RIC1: variants seen among roughly 807,000 people sequenced by gnomAD.
The protein encoded by RIC1 is guanine nucleotide exchange factor subunit RIC1.
Under a neutral mutation model 169.0 loss-of-function variants are expected in RIC1, and 88 were observed. The ratio of observed to expected loss-of-function variants is 0.52; its 90% CI spans 0.44 to 0.62. The LOEUF is 0.62. Ranked by LOEUF, RIC1 falls within the 20% of genes least tolerant of loss-of-function variation. RIC1 has a pLI of 0.00. For synonymous variants in RIC1, 790 were observed against 601.5 expected, an observed-to-expected ratio of 1.31 and a Z score of -4.59; for missense variants, 1,877 against 1,725.5, an observed-to-expected ratio of 1.09 and a Z score of -1.56.
At chr9:5,733,598 C>G (rs957302136) in intron 7 of RIC1, among the ~76,000 whole-genome samples, 1 of 152,102 alleles carries the variant, frequency 6.6e-6, no homozygotes, top group Non-Finnish European at 1.5e-5. Context: ...TCACATAAAT[C>G]ACTTTCATTA....
In RIC1 at chr9:5,718,008, C is replaced by T. The variant is rs573130700; in HGVS notation, c.441-2174C>T. Among the ~76,000 whole-genome samples the T allele has an allele frequency of 7.9e-5, 12 of 151,272 alleles. No individual in the cohort carries two copies. The East Asian group carries it at 1.4e-3, about 17-fold the overall frequency. ...TACAAAAATTAGCTGGGCATGGTGG[C>T]GTGCGCCTGTAATCCCAGCTACTAG... is the stretch of plus-strand genomic sequence containing the variant. On this transcript the variant is annotated intron_variant, in intron 4 of 25. Transcript: ENST00000414202.
chr9:5,687,920 T>TTGTG (rs562402154), intron 2 of RIC1, among the ~76,000 whole-genome samples: 1 of 151,984 alleles, frequency 6.6e-6, no homozygotes, highest in African/African-American at 2.4e-5. Flanking sequence ...TTGGGTTTTT[T>TTGTG]TGTGTGTGTG....
intron 22 of RIC1, chr9:5,769,607 G>C: frequency 2.0e-6 from 1 of 512,070 alleles, no homozygotes; most frequent in East Asian, 4.7e-5. Flanking sequence ...TAAGCTGACA[G>C]AACTCATTCC....
chr9:5,656,470 C>T (rs1563873653), intron 1 of RIC1, 113 bp from the exon 2 acceptor site: 1 of 520,668 alleles, frequency 1.9e-6, no homozygotes, highest in Admixed American at 3.5e-5. Context: ...TCAATATTGT[C>T]TTTTATTTTA....
chr9:5,680,206 G>T (rs1405167528), intron 2 of RIC1, among the ~76,000 whole-genome samples: 1 of 152,144 alleles, frequency 6.6e-6, no homozygotes, highest in Non-Finnish European at 1.5e-5. Flanking sequence ...TGATCATGGT[G>T]GATAAGCTTT....
chr9:5,729,748 A>G (rs1197085292), intron 6 of RIC1, among the ~76,000 whole-genome samples: 2 of 152,144 alleles, frequency 1.3e-5, no homozygotes, highest in Non-Finnish European at 2.9e-5. Context: ...TCCGTTATCA[A>G]CTTTATTCAG....
At chr9:5,766,889 T>A (rs922541390) in intron 21 of RIC1, among the ~76,000 whole-genome samples, 7 of 152,204 alleles carry the variant, frequency 4.6e-5, no homozygotes, top group Non-Finnish European at 7.3e-5. Context: ...AAATGGTAGT[T>A]CTACTTTTGG....
At chr9:5,754,257 G>C (rs1825876043) in intron 14 of RIC1, among the ~76,000 whole-genome samples, 1 of 152,156 alleles carries the variant, frequency 6.6e-6, no homozygotes, top group African/African-American at 2.4e-5. Context: ...GATTAAGCCA[G>C]AATTTACACT....
rs1827575059 is a variant in RIC1 at position 5,776,217 on chromosome 9, A to G, written c.*1971A>G. ...TTTTATACAATATTCTTTTACAACT[A>G]ATAGAGATAGGAGGCCCCCAGGCAA... On this transcript the variant is annotated 3_prime_UTR_variant, in exon 26 of 26. Transcript: ENST00000414202. 1 of 152,152 alleles carries G rather than the reference A, an allele frequency of 6.6e-6. No homozygotes were observed. Among genetic ancestry groups the G allele is most frequent in the Admixed American group, 6.5e-5 (1 of 15,274 alleles). 9.4% of individuals were successfully genotyped at this position (152,152 alleles called of 1,614,324 possible). A position where few individuals can be genotyped will look rare whatever the true frequency, so the allele number is the denominator to read the frequency against.
At chr9:5,630,472 A>C (rs558035114) in intron 1 of RIC1, among the ~76,000 whole-genome samples, 2 of 152,156 alleles carry the variant, frequency 1.3e-5, no homozygotes, top group Non-Finnish European at 1.5e-5. Flanking sequence ...TAGTTTGTTA[A>C]AATCCCCAAA....
At chr9:5,663,154 A>AT (rs956125480) in intron 2 of RIC1, among the ~76,000 whole-genome samples, 1 of 152,082 alleles carries the variant, frequency 6.6e-6, no homozygotes, top group African/African-American at 2.4e-5. Flanking sequence ...GAATTTCTTA[A>AT]TTCTTCTGAG....
chr9:5,744,655 G>A (rs1403923591), intron 10 of RIC1, among the ~76,000 whole-genome samples: 1 of 151,976 alleles, frequency 6.6e-6, no homozygotes, highest in Non-Finnish European at 1.5e-5. Context: ...TTTGACTGCA[G>A]CTCATCACAT....
intron 21 of RIC1, among the ~76,000 whole-genome samples, chr9:5,766,745 T>C (rs1826789719): frequency 1.3e-5 from 2 of 152,236 alleles, no homozygotes; most frequent in Non-Finnish European, 2.9e-5. Context: ...ATCCACTCGT[T>C]GACTGATGGG....
chr9:5,672,593 G>A (rs1005314258), intron 2 of RIC1, among the ~76,000 whole-genome samples: 2 of 152,148 alleles, frequency 1.3e-5, no homozygotes, highest in African/African-American at 4.8e-5. Context: ...AAATTCAAGA[G>A]GTTTGGGAAT....
chr9:5,696,615 C>T (rs1025482733), intron 3 of RIC1, among the ~76,000 whole-genome samples: 1 of 151,976 alleles, frequency 6.6e-6, no homozygotes, highest in Non-Finnish European at 1.5e-5. Context: ...AAAAATCCAA[C>T]AATGAGAGAT....
chr9:5,642,553 A>C (rs1818303545), intron 1 of RIC1, among the ~76,000 whole-genome samples: 1 of 144,802 alleles, frequency 6.9e-6, no homozygotes, highest in Non-Finnish European at 1.5e-5. Context: ...CAAAATTCTT[A>C]GCAATTTGTT....
At chr9:5,735,705 G>T (rs1290157562) in intron 7 of RIC1, among the ~76,000 whole-genome samples, 1 of 152,198 alleles carries the variant, frequency 6.6e-6, no homozygotes, top group Non-Finnish European at 1.5e-5. Flanking sequence ...TTAGAGTTGT[G>T]TAAGAAGCCA....
At chr9:5,732,303 G>T in intron 6 of RIC1, 85 bp from the exon 7 acceptor site, 2 of 1,013,028 alleles carry the variant, frequency 2.0e-6, no homozygotes, top group Non-Finnish European at 3.0e-6. Context: ...TTATGAAATT[G>T]TATGTTTATT....
chr9:5,721,441 C>T (rs933640711), intron 6 of RIC1, among the ~76,000 whole-genome samples: 1 of 152,220 alleles, frequency 6.6e-6, no homozygotes, highest in South Asian at 2.1e-4. Context: ...AACCCCAGCA[C>T]ACACGCGCGT....
Sources: allele counts gnomAD v4.1 joint callset (sites outside exome capture counted in the v4.1 genomes callset), GRCh38; gene constraint gnomAD v4.1.1; transcripts MANE v1.5; gene names NCBI Gene and HGNC (gene_info 2026-07-23, HGNC 2026-07-21).